The following TCEANC2 variants were observed in gnomAD, a reference collection of about 807,000 sequenced individuals.
TCEANC2 encodes the protein transcription elongation factor A N-terminal and central domain containing 2, also known as transcription elongation factor A N-terminal and central domain-containing protein 2.
A neutral mutation model predicts 22.8 loss-of-function variants in TCEANC2; 20 were observed. The observed-to-expected ratio is 0.88, with a 90% CI of 0.62 to 1.28. The LOEUF (loss-of-function observed/expected upper bound fraction) is 1.28. TCEANC2 is among the 50% of genes most tolerant of loss of function. The pLI, the probability that TCEANC2 is intolerant of heterozygous loss-of-function variation, is 0.00. For synonymous variants in TCEANC2, 84 were observed against 95.5 expected (o/e 0.88, Z 0.70); for missense variants, 251 against 249.7 (o/e 1.01, Z -0.03).
Position 54,099,928 on chromosome 1 carries a change from T to G in TCEANC2, c.*3455T>G, listed in dbSNP as rs1658629858. On this transcript the variant is annotated 3_prime_UTR_variant, in exon 5 of 5. Transcript: ENST00000234827. ...TCTGCTCTAATAGCTTATTGATGCT[T>G]TTCTTGTAGTGGTTAATTTGGAGGT... The G allele has an allele frequency of 6.6e-6, 1 of 152,044 alleles. No individual in the cohort carries two copies. The highest frequency in any genetic ancestry group is 6.6e-5 in the Admixed American group (1 of 15,264). The allele number at this position is 152,044 out of a possible 1,614,324, so 9.4% of individuals were successfully genotyped here.
rs1569988187 is a variant in TCEANC2, at chr1:54,055,950, C to A, written c.102+1426C>A. Among the ~76,000 whole-genome samples the A allele has an allele frequency of 1.3e-5, 2 of 152,192 alleles. 1 individual carries two copies. Among genetic ancestry groups the A allele is most frequent in the East Asian group, 3.8e-4 (2 of 5,206 alleles). ...GATAATTCTTCATTATTTGGAGCTG[C>A]TGGTGGTTTACAGGATACTTAGCAT... On this transcript the variant is annotated intron_variant, in intron 2 of 4. Transcript: ENST00000234827.
intron 4 of TCEANC2, 108 bp downstream of exon 4, chr1:54,088,898 G>T: frequency 1.6e-6 from 1 of 620,668 alleles, no homozygotes; most frequent in Non-Finnish European, 2.5e-6. Flanking sequence ...GGTGCTCTTG[G>T]TTAAACGCCT....
At position 54,065,716 on chromosome 1, in the gene TCEANC2, A is replaced by AATAT. The variant is rs112344177; in HGVS notation, c.103-3028_103-3025dup. ...CAACAGAGCATGACTCTGTCTCAAA[A>AATAT]ATATATATATATATAAGGGTAAACA... is the stretch of plus-strand genomic sequence containing the variant. On this transcript the variant is annotated intron_variant, in intron 2 of 4. Transcript: ENST00000234827. Among the ~76,000 whole-genome samples, 857 of 150,384 alleles carry AATAT rather than the reference A, an allele frequency of 5.7e-3. 9 individuals are homozygous for AATAT. The highest frequency in any genetic ancestry group is 0.02 in the African/African-American group (801 of 40,828).
Position 54,103,907 on chromosome 1 carries a change from A to G in TCEANC2, c.*7434A>G, listed in dbSNP as rs924949312. ...TCTACTGGGATAGATTATGGGATCT[A>G]TAGATTATGGGATAGTCATACAGGA... On this transcript the variant is annotated 3_prime_UTR_variant, in exon 5 of 5. Transcript: ENST00000234827. 1 of 152,216 alleles carries G rather than the reference A, an allele frequency of 6.6e-6. No individual in the cohort carries two copies. The highest frequency in any genetic ancestry group is 2.4e-5 in the African/African-American group (1 of 41,438). 9.4% of individuals were successfully genotyped at this position (152,216 alleles called of 1,614,324 possible). A position where few individuals can be genotyped will look rare whatever the true frequency, so the allele number is the denominator to read the frequency against.
At chr1:54,076,081 TA>T (rs1224829881) in intron 3 of TCEANC2, among the ~76,000 whole-genome samples, 1 of 151,810 alleles carries the variant, frequency 6.6e-6, no homozygotes, top group Middle Eastern at 3.2e-3. Flanking sequence ...ATTTTATGAG[TA>T]TTTTTTTGTT....
At chr1:54,090,043 A>C in intron 4 of TCEANC2, 1 of 671,572 alleles carries the variant, frequency 1.5e-6, no homozygotes. Context: ...ATCAGAATAG[A>C]ATGGAACCTG....
exon 5 of TCEANC2, chr1:54,112,060 G>T (rs1658848042): frequency 6.6e-6 from 1 of 152,190 alleles, no homozygotes; most frequent in African/African-American, 2.4e-5. Flanking sequence ...AAAAATCACT[G>T]TGGGTTGGGC....
In TCEANC2 at chr1:54,104,926, C is replaced by T. The variant is rs561034376; in HGVS notation, c.*8453C>T. 1.3e-5 allele frequency: 3 copies of T among 233,004 alleles called. No homozygotes were observed. Among genetic ancestry groups the T allele is most frequent in the Non-Finnish European group, 2.7e-5 (3 of 111,256 alleles). The allele number at this position is 233,004 out of a possible 1,614,324, so 14.4% of individuals were successfully genotyped here. A position where few individuals can be genotyped will look rare whatever the true frequency, so the allele number is the denominator to read the frequency against. ...ATGCTGACTTCAGGCTCAGCCCCCT[C>T]AGGGCTGAGGGTCTAAATCATGCCT... On this transcript the variant is annotated 3_prime_UTR_variant, in exon 5 of 5. Transcript: ENST00000234827.
intron 3 of TCEANC2, among the ~76,000 whole-genome samples, chr1:54,084,307 C>A (rs1658298470): frequency 6.6e-6 from 1 of 152,120 alleles, no homozygotes; most frequent in South Asian, 2.1e-4. Flanking sequence ...GCTGCTGCAC[C>A]CAGCCTATTT....
At chr1:54,063,674 C>T (rs1320611888) in intron 2 of TCEANC2, among the ~76,000 whole-genome samples, 1 of 152,128 alleles carries the variant, frequency 6.6e-6, no homozygotes, top group Non-Finnish European at 1.5e-5. Context: ...TCAACCAGTA[C>T]GTATAATGCA....
rs527712056 is a variant in TCEANC2 at position 54,089,927 on chromosome 1, G to C, written c.438+1137G>C. The C allele has an allele frequency of 6.6e-6, 5 of 756,608 alleles. No individual in the cohort carries two copies. In the African/African-American group the frequency reaches 8.8e-5, roughly 13 times the overall value. 46.9% of individuals were successfully genotyped at this position (756,608 alleles called of 1,614,324 possible). ...GCATTCAGCAAACAATGGCAAGGCA[G>C]AGCCACCGGAAACGTACACCTGATT... On this transcript the variant is annotated intron_variant, in intron 4 of 4. Coordinates refer to ENST00000234827, the MANE Select transcript of TCEANC2 (RefSeq NM_153035.3).
chr1:54,083,516 T>A (rs952355290), intron 3 of TCEANC2, among the ~76,000 whole-genome samples: 2 of 151,994 alleles, frequency 1.3e-5, no homozygotes, highest in African/African-American at 4.8e-5. Context: ...GGCCAAGTAA[T>A]GTCAGGATGG....
chr1:54,081,204 G>A (rs1658237698), intron 3 of TCEANC2, among the ~76,000 whole-genome samples: 1 of 152,070 alleles, frequency 6.6e-6, no homozygotes. Context: ...ATGTAAAGTG[G>A]TTAACACAAT....
intron 3 of TCEANC2, among the ~76,000 whole-genome samples, chr1:54,071,347 A>G (rs1051863367): frequency 2.0e-5 from 3 of 152,180 alleles, no homozygotes; most frequent in African/African-American, 7.2e-5. Context: ...GTTGCAGTCA[A>G]GCTGCTGGCT....
chr1:54,077,706 G>A lies in TCEANC2; in HGVS notation c.244+8809G>A, dbSNP rs537404703. On this transcript the variant is annotated intron_variant, in intron 3 of 4. Coordinates refer to ENST00000234827, the MANE Select transcript of TCEANC2 (RefSeq NM_153035.3). Reference sequence around the variant, plus strand: ...CATTTTATTTACCACTGTATTTCAAGCATTAGTGGCATACAGCAGGAGCTC... The same window carrying A: ...CATTTTATTTACCACTGTATTTCAAACATTAGTGGCATACAGCAGGAGCTC... Among the ~76,000 whole-genome samples the A allele has an allele frequency of 3.8e-4, 58 of 152,126 alleles. 1 individual carries two copies. Among genetic ancestry groups the A allele is most frequent in the African/African-American group, 1.3e-3 (56 of 41,512 alleles).
intron 2 of TCEANC2, among the ~76,000 whole-genome samples, chr1:54,065,887 C>A (rs973746108): frequency 2.0e-5 from 3 of 152,070 alleles, no homozygotes; most frequent in Non-Finnish European, 2.9e-5. Context: ...GACTGGGCAA[C>A]AGAGTGAGAC....
chr1:54,067,744 A>G (rs1247130976), intron 2 of TCEANC2, among the ~76,000 whole-genome samples: 1 of 152,204 alleles, frequency 6.6e-6, no homozygotes, highest in Admixed American at 6.5e-5. Flanking sequence ...TGTTGCTTTT[A>G]TCAAACTATC....
Position 54,096,717 on chromosome 1 carries a change from G to C in TCEANC2, c.*244G>C. On this transcript the variant is annotated 3_prime_UTR_variant, in exon 5 of 5. Transcript: ENST00000234827. This position sits in a 1 kb window ranked among gnomAD's most constrained non-coding sequence, Gnocchi z 4.9. The stretch of plus-strand genomic sequence containing the variant: ...CGCACACTGGCTGTCACTAGGAAGC[G>C]CCATACGGTTGCTATCACCCAACAT... 1 of 1,208,088 alleles carries C rather than the reference G, an allele frequency of 8.3e-7. No individual in the cohort carries two copies. Among genetic ancestry groups the C allele is most frequent in the Non-Finnish European group, 1.0e-6 (1 of 957,884 alleles). 74.8% of individuals were successfully genotyped at this position (1,208,088 alleles called of 1,614,324 possible).
rs559241345 is a variant in TCEANC2, at chr1:54,054,246, C to G, written c.-42-135C>G. 3.5e-6 allele frequency: 5 copies of G among 1,439,298 alleles called. No homozygotes were observed. The African/African-American group carries it at 7.2e-5, about 21-fold the overall frequency. 89.2% of individuals were successfully genotyped at this position (1,439,298 alleles called of 1,614,324 possible). A position where few individuals can be genotyped will look rare whatever the true frequency, so the allele number is the denominator to read the frequency against. ...AAGATCTTTCTTTTAAAGAGAAAAT[C>G]TTACTTCCTGTCAATTCCACTCGAG... On this transcript the variant is annotated intron_variant, in intron 1 of 4. Coordinates refer to ENST00000234827, the MANE Select transcript of TCEANC2 (RefSeq NM_153035.3).
Sources: gnomAD v4.1 joint callset for allele counts (sites outside exome capture counted in the v4.1 genomes callset) on GRCh38, gnomAD v4.1.1 for gene constraint, Gnocchi (gnomAD v3.1) non-coding constraint, MANE v1.5 for transcripts, NCBI Gene and HGNC (gene_info 2026-07-23, HGNC 2026-07-21) for gene names.